Variants in ROCK1 observed in about 807,000 individuals in gnomAD.
ROCK1 encodes Rho associated coiled-coil containing protein kinase 1, also known as rho-associated protein kinase 1.
In ROCK1, 36 loss-of-function variants were observed where a neutral mutation model predicts 196.8. The observed-to-expected ratio is 0.18, with a 90% CI of 0.14 to 0.24. The LOEUF (loss-of-function observed/expected upper bound fraction) is 0.24. ROCK1 is among the 10% of genes least tolerant of loss of function. The pLI is 1.00. For missense variants in ROCK1, 920 were observed against 1,562.0 expected, an observed-to-expected ratio of 0.59 and a Z score of 6.93; for synonymous variants, 443 against 515.9, an observed-to-expected ratio of 0.86 and a Z score of 1.91.
In ROCK1 at chr18:21,042,355, C is replaced by T. The variant is rs2036114423; in HGVS notation, c.821-120G>A. The T allele has an allele frequency of 5.9e-6, 6 of 1,014,816 alleles. No individual in the cohort carries two copies. The South Asian group carries it at 9.0e-5, about 15-fold the overall frequency. 62.9% of individuals were successfully genotyped at this position (1,014,816 alleles called of 1,614,324 possible). ...TATTAGGTATGTATTAAACTAAAAA[C>T]ATACACCTAATATATAAAAGAACAC... On this transcript the variant is annotated intron_variant, in intron 7 of 32. Transcript: ENST00000399799.
chr18:21,018,826 T>C (rs1239251695), intron 12 of ROCK1, among the ~76,000 whole-genome samples: 1 of 152,186 alleles, frequency 6.6e-6, no homozygotes, highest in Non-Finnish European at 1.5e-5. Context: ...GTTGAATACT[T>C]TTCGTGTTAC....
chr18:21,023,229 G>A (rs565162330), intron 11 of ROCK1, among the ~76,000 whole-genome samples: 1 of 152,230 alleles, frequency 6.6e-6, no homozygotes, highest in South Asian at 2.1e-4. Flanking sequence ...ACTTAAAAAT[G>A]ATTAAAACGG....
chr18:21,055,050 A>G (rs2036235534), intron 2 of ROCK1, among the ~76,000 whole-genome samples: 1 of 152,108 alleles, frequency 6.6e-6, no homozygotes, highest in South Asian at 2.1e-4. Context: ...GCCAGCTTAA[A>G]TTACATGGTC....
intron 1 of ROCK1, among the ~76,000 whole-genome samples, chr18:21,075,908 G>A (rs1337162901): frequency 6.8e-6 from 1 of 146,810 alleles, no homozygotes; most frequent in Non-Finnish European, 1.5e-5. Context: ...AGCCGACATA[G>A]CACCACTGCA....
At chr18:21,067,928 C>T (rs1389490982) in intron 2 of ROCK1, among the ~76,000 whole-genome samples, 10 of 152,130 alleles carry the variant, frequency 6.6e-5, no homozygotes, top group Non-Finnish European at 1.5e-5. Flanking sequence ...CATTCCCTTG[C>T]GTACGGATAT....
intron 16 of ROCK1, among the ~76,000 whole-genome samples, chr18:20,995,543 G>A (rs2035663615): frequency 6.6e-6 from 1 of 152,070 alleles, no homozygotes; most frequent in Non-Finnish European, 1.5e-5. Context: ...CCTGCTCTGG[G>A]CCAGAGAGGA....
At chr18:20,966,388 G>A (rs1202674491) in intron 27 of ROCK1, among the ~76,000 whole-genome samples, 1 of 151,944 alleles carries the variant, frequency 6.6e-6, no homozygotes, top group Non-Finnish European at 1.5e-5. Flanking sequence ...TGACACCCCC[G>A]GCCTCTTACT....
intron 1 of ROCK1, among the ~76,000 whole-genome samples, chr18:21,081,368 A>G (rs2036481450): frequency 6.6e-6 from 1 of 152,126 alleles, no homozygotes; most frequent in African/African-American, 2.4e-5. Flanking sequence ...AATCAGTGCA[A>G]AGGAGGAAAT....
At position 21,070,595 on chromosome 18, in the gene ROCK1, C is replaced by G; in HGVS notation, c.112G>C (p.Val38Leu). Reference sequence around the variant, plus strand: ...AAGGCAGGAAAATCCAAATCATATACCAAAGCATCCAATCCATCCTAAAGA... The same window carrying G: ...AAGGCAGGAAAATCCAAATCATATAGCAAAGCATCCAATCCATCCTAAAGA... The part of the protein sequence containing the change: ...DCLLDGLDAL[V>L]YDLDFPALRK... Residue 38 changes from valine to leucine, a missense_variant, in exon 2 of 33, where the codon GTA (valine) becomes CTA (leucine). Val to Leu is a conservative substitution (Grantham distance 32). This residue lies in a region of ROCK1 where 234 missense variants were observed against 460.7 expected (regional missense o/e 0.51). Transcript: ENST00000399799. 6.2e-7 allele frequency: 1 copy of G among 1,606,282 alleles called. No homozygotes were observed. Among genetic ancestry groups the G allele is most frequent in the Non-Finnish European group, 8.5e-7 (1 of 1,175,264 alleles).
chr18:21,075,970 A>G (rs1194466912), intron 1 of ROCK1, among the ~76,000 whole-genome samples: 1 of 151,434 alleles, frequency 6.6e-6, no homozygotes, highest in African/African-American at 2.4e-5. Flanking sequence ...AAAAAAAGGA[A>G]AGAAAAAAAA....
chr18:20,953,427 T>C, intron 32 of ROCK1, 151 bp downstream of exon 32: 1 of 520,172 alleles, frequency 1.9e-6, no homozygotes, highest in Non-Finnish European at 3.5e-6. Context: ...CAAGAATAAG[T>C]TAAACTAATT....
chr18:21,049,566 T>C (rs2036188136), intron 3 of ROCK1, among the ~76,000 whole-genome samples: 1 of 152,246 alleles, frequency 6.6e-6, no homozygotes, highest in Non-Finnish European at 1.5e-5. Context: ...TTCTGATGCC[T>C]GACACTTCTT....
At chr18:20,968,597 C>A (rs1598511545) in intron 25 of ROCK1, 175 bp downstream of exon 25, 1 of 557,014 alleles carries the variant, frequency 1.8e-6, no homozygotes, top group Non-Finnish European at 3.2e-6. Flanking sequence ...TGAGCCACCG[C>A]GCCTGGCCTT....
At chr18:21,003,006 T>C (rs1598524116) in intron 16 of ROCK1, among the ~76,000 whole-genome samples, 1 of 152,120 alleles carries the variant, frequency 6.6e-6, no homozygotes, top group Non-Finnish European at 1.5e-5. Flanking sequence ...TCCCAAAGTG[T>C]TGGTTTTACA....
At chr18:20,962,584 T>C (rs971283926) in intron 27 of ROCK1, among the ~76,000 whole-genome samples, 1 of 152,190 alleles carries the variant, frequency 6.6e-6, no homozygotes, top group Non-Finnish European at 1.5e-5. Flanking sequence ...AGTTGTTATA[T>C]GGTATGGCTT....
chr18:21,019,564 C>A (rs1485502343), intron 12 of ROCK1, among the ~76,000 whole-genome samples: 2 of 151,680 alleles, frequency 1.3e-5, no homozygotes, highest in Non-Finnish European at 2.9e-5. Context: ...GAGGCCGAGG[C>A]GGGCAGATCA....
At chr18:21,018,362 T>C (rs1233561194) in intron 12 of ROCK1, among the ~76,000 whole-genome samples, 1 of 151,926 alleles carries the variant, frequency 6.6e-6, no homozygotes, top group Non-Finnish European at 1.5e-5. Context: ...AAATCCCGTC[T>C]CTACTAAAAA....
At chr18:20,983,564 T>C (rs1399989414) in intron 20 of ROCK1, among the ~76,000 whole-genome samples, 1 of 152,068 alleles carries the variant, frequency 6.6e-6, no homozygotes, top group Non-Finnish European at 1.5e-5. Flanking sequence ...ACTTTCATAT[T>C]AGACAGTAAT....
At chr18:20,966,890 G>C (rs1457785418) in intron 27 of ROCK1, 27 bp downstream of exon 27, 15 of 1,554,610 alleles carry the variant, frequency 9.6e-6, no homozygotes, top group Non-Finnish European at 1.3e-5. Context: ...ATTTATACAT[G>C]TTTGAATGAT....
Sources: allele counts gnomAD v4.1 joint callset (sites outside exome capture counted in the v4.1 genomes callset), GRCh38; gene constraint gnomAD v4.1.1; regional missense constraint gnomAD v4.1.1; transcripts MANE v1.5; gene names NCBI Gene and HGNC (gene_info 2026-07-23, HGNC 2026-07-21).